The following CCT4 variants were observed in gnomAD, a reference collection of about 807,000 sequenced individuals.
The protein encoded by CCT4 is chaperonin containing TCP1 subunit 4.
In CCT4, 17 loss-of-function variants were observed where a neutral mutation model predicts 62.5. The ratio of observed to expected loss-of-function variants is 0.27; its 90% CI spans 0.19 to 0.41. CCT4 has a LOEUF of 0.41. Among genes scored for constraint, CCT4 ranks in the 10% least tolerant of loss-of-function variants. The pLI, the probability that CCT4 is intolerant of heterozygous loss-of-function variation, is 1.00. For synonymous variants in CCT4, 250 were observed against 229.9 expected (o/e 1.09, Z -0.79); for missense variants, 592 against 659.2 (o/e 0.90, Z 1.12).
rs1335533472 is a variant in CCT4, at chr2:61,877,384, G to A, written c.644+9C>T. The A allele has an allele frequency of 3.1e-5, 49 of 1,601,184 alleles. No individual in the cohort carries two copies. The highest frequency in any genetic ancestry group is 4.1e-5 in the Non-Finnish European group (48 of 1,176,130). ...AATTTTTATTCAAGTTGTAATTAGA[G>A]ATGCTTACCCAAGCTTCTTAACTAT... On this transcript the variant is annotated intron_variant, in intron 6 of 13. Coordinates refer to ENST00000394440, the MANE Select transcript of CCT4 (RefSeq NM_006430.4).
chr2:61,882,065 T>C (rs1226332117), intron 3 of CCT4, among the ~76,000 whole-genome samples: 5 of 151,906 alleles, frequency 3.3e-5, no homozygotes, highest in South Asian at 4.2e-4. Flanking sequence ...TCCGAGTAGC[T>C]GAAATTAAAG....
Position 61,869,572 on chromosome 2 carries a change from C to T in CCT4, c.1492-19G>A. On this transcript the variant is annotated intron_variant, in intron 12 of 13. Transcript: ENST00000394440. ...TACCACCCTGCAAATCAAATCAGCA[C>T]AAGTTGCTTTTAGTGTCTGTGATAA... 1 of 1,427,790 alleles carries T rather than the reference C, an allele frequency of 7.0e-7. No individual in the cohort carries two copies. The highest frequency in any genetic ancestry group is 1.4e-5 in the African/African-American group (1 of 71,380). 88.4% of individuals were successfully genotyped at this position (1,427,790 alleles called of 1,614,324 possible).
At chr2:61,871,717 A>C (rs779871583) in intron 12 of CCT4, among the ~76,000 whole-genome samples, 97 of 152,378 alleles carry the variant, frequency 6.4e-4, no homozygotes, top group Non-Finnish European at 9.7e-4. Flanking sequence ...TACAGTCTTT[A>C]GTATATGCCA....
At chr2:61,880,070 T>C (rs1409288411) in intron 4 of CCT4, among the ~76,000 whole-genome samples, 1 of 152,170 alleles carries the variant, frequency 6.6e-6, no homozygotes, top group African/African-American at 2.4e-5. Context: ...TTGAGTTCCA[T>C]TCAAAAAGGA....
In CCT4 at chr2:61,872,292, A is replaced by G; in HGVS notation, c.1281T>C (p.Ala427=). Residue 427 remains alanine (A), a synonymous_variant, in exon 12 of 14, where the codon GCT becomes GCC. Coordinates refer to ENST00000394440, the MANE Select transcript of CCT4 (RefSeq NM_006430.4). ...KKRALIAGGG[A]PEIELALRLT... is the part of the protein sequence containing the mutation. ...ATCGTAGGGCCAACTCTATTTCTGG[A>G]GCACCACCTCCTGCAATAAGAGCCC... 1 of 1,604,492 alleles carries G rather than the reference A, an allele frequency of 6.2e-7. No individual in the cohort carries two copies. The highest frequency in any genetic ancestry group is 8.5e-7 in the Non-Finnish European group (1 of 1,173,328).
At chr2:61,871,062 C>T (rs1438492100) in intron 12 of CCT4, among the ~76,000 whole-genome samples, 1 of 145,452 alleles carries the variant, frequency 6.9e-6, no homozygotes, top group African/African-American at 2.6e-5. Flanking sequence ...GACGGAGTCT[C>T]GCCCTGTCGC....
At chr2:61,887,908 C>T (rs1397553063) in intron 1 of CCT4, 1 of 153,080 alleles carries the variant, frequency 6.5e-6, no homozygotes, top group African/African-American at 2.4e-5. Context: ...ATGGGCCCCG[C>T]CCCAATTTAG....
chr2:61,874,333 A>G (rs757842952), intron 8 of CCT4, among the ~76,000 whole-genome samples: 6 of 152,132 alleles, frequency 3.9e-5, no homozygotes, highest in African/African-American at 1.2e-4. Flanking sequence ...TTAGGAAAAA[A>G]TACTGGCCAG....
chr2:61,869,297 C>T, intron 13 of CCT4, 143 bp downstream of exon 13: 1 of 603,536 alleles, frequency 1.7e-6, no homozygotes, highest in Non-Finnish European at 3.0e-6. Context: ...GACTGTGCTA[C>T]TGTGCTCCAG....
At chr2:61,868,776 C>A in intron 13 of CCT4, 70 bp from the exon 14 acceptor site, 1 of 1,101,580 alleles carries the variant, frequency 9.1e-7, no homozygotes, top group Non-Finnish European at 1.4e-6. Context: ...ATGTTTAAGG[C>A]AATTAATAAA....
chr2:61,878,506 C>A (rs1038794863), intron 5 of CCT4, among the ~76,000 whole-genome samples: 3 of 152,130 alleles, frequency 2.0e-5, no homozygotes, highest in Non-Finnish European at 4.4e-5. Context: ...TATCACAATG[C>A]CCACCATATT....
Position 61,877,426 on chromosome 2 carries a change from T to C in CCT4, c.611A>G (p.Asp204Gly). The stretch of plus-strand genomic sequence containing the variant: ...CTTAACTATTTTAATATCTCTAAGA[T>C]CTACACTGGTGGCTGTGGCTGGGTC... ...VIDPATATSV[D>G]LRDIKIVKKL... Residue 204 changes from aspartate (D) to glycine (G), a missense_variant, in exon 6 of 14, where the codon GAT becomes GGT. Physicochemically the swap from Asp to Gly is moderately conservative, Grantham distance 94 (BLOSUM62 -1). Coordinates refer to ENST00000394440, the MANE Select transcript of CCT4 (RefSeq NM_006430.4). The C allele has an allele frequency of 6.2e-7, 1 of 1,611,918 alleles. No homozygotes were observed. Among genetic ancestry groups the C allele is most frequent in the Non-Finnish European group, 8.5e-7 (1 of 1,178,682 alleles).
intron 5 of CCT4, 45 bp from the exon 6 acceptor site, chr2:61,877,559 A>G: frequency 6.9e-7 from 1 of 1,441,158 alleles, no homozygotes; most frequent in Non-Finnish European, 9.3e-7. Context: ...ACAGTAGAAA[A>G]AAGTCCTAAT....
rs1417254423 is a variant in CCT4 at position 61,868,466 on chromosome 2, G to GT, written c.*225dup. Reference sequence around the variant, plus strand: ...ATTAGTTTTTATTAGTTTTTCAAAAGTATCAGAAATAACAGAATGTTGGGA... The same window carrying GT: ...ATTAGTTTTTATTAGTTTTTCAAAAGTTATCAGAAATAACAGAATGTTGGGA... On this transcript the variant is annotated 3_prime_UTR_variant, in exon 14 of 14. Transcript: ENST00000394440. 4.1e-6 allele frequency: 2 copies of GT among 483,758 alleles called. No individual in the cohort carries two copies. Among genetic ancestry groups the GT allele is most frequent in the East Asian group, 6.3e-5 (2 of 31,928 alleles). 30.0% of individuals were successfully genotyped at this position (483,758 alleles called of 1,614,324 possible). A position where few individuals can be genotyped will look rare whatever the true frequency, so the allele number is the denominator to read the frequency against.
chr2:61,877,254 C>G (rs1203009922), intron 6 of CCT4, 139 bp downstream of exon 6: 2 of 956,490 alleles, frequency 2.1e-6, no homozygotes, highest in East Asian at 5.1e-5. Context: ...GATGCCCATA[C>G]TAATACAAAT....
At chr2:61,886,817 T>C (rs78931669) in intron 1 of CCT4, among the ~76,000 whole-genome samples, 3,826 of 151,998 alleles carry the variant, frequency 0.025, 157 homozygotes, top group African/African-American at 0.085. Context: ...TGGAGTGCAA[T>C]GGCGCGACGT....
rs973010455 is a variant in CCT4, at chr2:61,873,283, T to A, written c.928A>T (p.Ser310Cys). 6.5e-7 allele frequency: 1 copy of A among 1,535,326 alleles called. No homozygotes were observed. ...TTCAGAAAGTGTAATGCAAGATCAC[T>A]AAGAGCATCTCTAAAATACAAAATC... The part of the protein sequence containing the change: ...IQKSILRDAL[S>C]DLALHFLNKM... Residue 310 changes from serine (S) to cysteine (C), a missense_variant, in exon 9 of 14, where the codon AGT becomes TGT. Ser to Cys is a moderately radical substitution (Grantham distance 112, BLOSUM62 -1). Coordinates refer to ENST00000394440, the MANE Select transcript of CCT4 (RefSeq NM_006430.4).
chr2:61,886,548 T>G (rs1669255027), intron 1 of CCT4, among the ~76,000 whole-genome samples: 1 of 152,192 alleles, frequency 6.6e-6, no homozygotes, highest in Admixed American at 6.5e-5. Context: ...CCCAGCGCTT[T>G]GCGAAGCCAA....
chr2:61,883,375 C>G, intron 3 of CCT4, 84 bp downstream of exon 3: 1 of 691,392 alleles, frequency 1.4e-6, no homozygotes, highest in South Asian at 1.8e-5. Flanking sequence ...TGAGATTGTG[C>G]CACGGCACTC....
Sources: gnomAD v4.1 joint callset for allele counts (sites outside exome capture counted in the v4.1 genomes callset) on GRCh38, gnomAD v4.1.1 for gene constraint, MANE v1.5 for transcripts, NCBI Gene and HGNC (gene_info 2026-07-23, HGNC 2026-07-21) for gene names.